The following RTL4 variants were observed in gnomAD, a reference collection of about 807,000 sequenced individuals.
RTL4 encodes the protein retrotransposon Gag-like protein 4.
RTL4 carries 4 observed loss-of-function variants against 5.3 expected under a neutral mutation model. The ratio of observed to expected loss-of-function variants is 0.75; its 90% CI spans 0.37 to 1.72. The LOEUF (loss-of-function observed/expected upper bound fraction) is 1.72. Ranked by LOEUF, RTL4 falls within the 40% of genes most tolerant of loss-of-function variation. The pLI is 0.04. For synonymous variants in RTL4, 98 were observed against 87.3 expected, an observed-to-expected ratio of 1.12 and a Z score of -0.68; for missense variants, 260 against 227.1, an observed-to-expected ratio of 1.14 and a Z score of -0.93.
At chrX:112,102,390 A>G in the RTL4 span, among the ~76,000 whole-genome samples, 54 of 111,826 alleles carry the variant, frequency 4.8e-4, no homozygotes, top group African/African-American at 1.7e-3. Flanking sequence ...GGAAATTATA[A>G]AAAGTGACTC....
the RTL4 span, among the ~76,000 whole-genome samples, chrX:112,270,196 G>A: frequency 8.9e-6 from 1 of 112,087 alleles, no homozygotes; most frequent in East Asian, 2.8e-4. Flanking sequence ...GGAAAGTGAA[G>A]GAATCAGCAT....
chrX:112,408,965 C>T, the RTL4 span, among the ~76,000 whole-genome samples: 6 of 111,804 alleles, frequency 5.4e-5, no homozygotes, highest in African/African-American at 1.3e-4. Context: ...AGACTTTCCC[C>T]GACAAACAAA....
the RTL4 span, among the ~76,000 whole-genome samples, chrX:112,427,574 G>C: frequency 9.1e-6 from 1 of 110,483 alleles, no homozygotes; most frequent in Non-Finnish European, 1.9e-5. Context: ...AGTTTTCAAC[G>C]TTGTACTGAA....
the RTL4 span, among the ~76,000 whole-genome samples, chrX:112,120,002 AT>A: frequency 3.6e-5 from 4 of 112,087 alleles, no homozygotes; most frequent in African/African-American, 9.7e-5. Flanking sequence ...TTTTCATAGC[AT>A]TTCTCCTTAC....
At chrX:112,434,837 C>G in the RTL4 span, among the ~76,000 whole-genome samples, 1 of 111,373 alleles carries the variant, frequency 9.0e-6, no homozygotes, top group African/African-American at 3.3e-5. Flanking sequence ...TTAGTCTGTT[C>G]TCACACTGCT....
chrX:112,115,093 A>T, the RTL4 span, among the ~76,000 whole-genome samples: 1 of 110,937 alleles, frequency 9.0e-6, no homozygotes, highest in African/African-American at 3.3e-5. Context: ...CATCTGAAAG[A>T]AAAAACTGCC....
chrX:112,393,161 GTT>G, the RTL4 span, among the ~76,000 whole-genome samples: 13 of 71,302 alleles, frequency 1.8e-4, no homozygotes, highest in African/African-American at 4.6e-4. Flanking sequence ...TTTTTTTTTT[GTT>G]TTTTTTTTTT....
At chrX:112,169,024 TTC>T in the RTL4 span, among the ~76,000 whole-genome samples, 19 of 55,770 alleles carry the variant, frequency 3.4e-4, no homozygotes, top group African/African-American at 1.2e-3. Flanking sequence ...TTCTTTCTCT[TTC>T]TCTTTCTTTC....
the RTL4 span, among the ~76,000 whole-genome samples, chrX:112,291,351 G>GAT: frequency 1.0e-5 from 1 of 99,205 alleles, no homozygotes; most frequent in Non-Finnish European, 2.0e-5. Context: ...CATGAATATA[G>GAT]ATATATGTAT....
the RTL4 span, among the ~76,000 whole-genome samples, chrX:112,109,946 C>T: frequency 3.6e-5 from 4 of 111,636 alleles, no homozygotes; most frequent in South Asian, 7.6e-4. Context: ...GAGTTCATTT[C>T]GGGTTTCATT....
the RTL4 span, among the ~76,000 whole-genome samples, chrX:112,205,464 T>G: frequency 8.9e-6 from 1 of 111,933 alleles, no homozygotes. Context: ...TGTATATACC[T>G]ATACAAAACA....
chrX:112,416,318 A>T, the RTL4 span, among the ~76,000 whole-genome samples: 5,653 of 111,634 alleles, frequency 0.051, 133 homozygotes, highest in African/African-American at 0.08. Context: ...AGGAGTTAGG[A>T]CTTCAATATA....
the RTL4 span, among the ~76,000 whole-genome samples, chrX:112,258,627 G>A: frequency 7.3e-5 from 8 of 110,250 alleles, no homozygotes; most frequent in East Asian, 2.3e-3. Context: ...CTATATAAAT[G>A]GAATTAGATT....
the RTL4 span, among the ~76,000 whole-genome samples, chrX:112,348,179 C>A: frequency 9.2e-6 from 1 of 109,027 alleles, no homozygotes; most frequent in Non-Finnish European, 1.9e-5. Context: ...TTAATCCTGG[C>A]CTTCGGTTTT....
the RTL4 span, among the ~76,000 whole-genome samples, chrX:112,364,653 C>T: frequency 4.5e-3 from 499 of 110,669 alleles, 4 homozygotes; most frequent in African/African-American, 0.015. Context: ...ATGGCAACTC[C>T]GAGCAGCTAT....
chrX:112,383,247 T>G, the RTL4 span, among the ~76,000 whole-genome samples: 1 of 111,672 alleles, frequency 9.0e-6, no homozygotes, highest in African/African-American at 3.2e-5. Context: ...TCTACAACAT[T>G]GAAGTTGGAC....
the RTL4 span, among the ~76,000 whole-genome samples, chrX:112,330,407 T>C: frequency 9.4e-6 from 1 of 106,252 alleles, no homozygotes; most frequent in East Asian, 2.8e-4. Context: ...CCATTCACAA[T>C]TGCTTCAAAG....
the RTL4 span, among the ~76,000 whole-genome samples, chrX:112,417,531 A>G: frequency 8.9e-6 from 1 of 111,903 alleles, no homozygotes; most frequent in African/African-American, 3.3e-5. Flanking sequence ...GCTATCACCC[A>G]AAAAATCCAG....
the RTL4 span, among the ~76,000 whole-genome samples, chrX:112,132,243 G>T: frequency 9.0e-6 from 1 of 111,324 alleles, no homozygotes; most frequent in Non-Finnish European, 1.9e-5. Flanking sequence ...CTCTCCTCAG[G>T]GTCCCCACCA....
Sources: allele counts gnomAD v4.1 joint callset (sites outside exome capture counted in the v4.1 genomes callset), GRCh38; gene constraint gnomAD v4.1.1; transcripts MANE v1.5; gene names NCBI Gene and HGNC (gene_info 2026-07-23, HGNC 2026-07-21).